IAH1: variants seen among roughly 807,000 people sequenced by gnomAD.
The protein encoded by IAH1 is isoamyl acetate-hydrolyzing esterase 1 homolog.
A neutral mutation model predicts 26.7 loss-of-function variants in IAH1; 24 were observed. That is an observed-to-expected ratio of 0.90 (90% CI 0.65 to 1.26). The LOEUF is 1.26. IAH1 is among the 50% of genes most tolerant of loss of function. IAH1 has a pLI of 0.00. For synonymous variants in IAH1, 140 were observed against 118.5 expected, an observed-to-expected ratio of 1.18 and a Z score of -1.18; for missense variants, 300 against 299.9, an observed-to-expected ratio of 1.00 and a Z score of 0.00.
At chr2:9,501,863 A>G in the IAH1 span, among the ~76,000 whole-genome samples, 13 of 152,158 alleles carry the variant, frequency 8.5e-5, no homozygotes, top group African/African-American at 2.9e-4. Flanking sequence ...GGCACATTAA[A>G]AACACATACA....
intron 2 of IAH1, 113 bp from the exon 3 acceptor site, chr2:9,478,107 CAG>C (rs1660933491): frequency 3.4e-6 from 3 of 875,510 alleles, no homozygotes; most frequent in East Asian, 5.5e-5. Context: ...GGGGGTGGCT[CAG>C]AGACACGTGA....
intron 1 of IAH1, chr2:9,475,262 T>A: frequency 1.7e-6 from 2 of 1,197,482 alleles, no homozygotes; most frequent in Non-Finnish European, 1.1e-6. Flanking sequence ...CCTGTGTGTG[T>A]CCTCTTCTCA....
At position 9,488,353 on chromosome 2, in the gene IAH1, GCTTGTTAT is replaced by G; in HGVS notation, c.*27_*34del. On this transcript the variant is annotated 3_prime_UTR_variant, in exon 6 of 6. Coordinates refer to ENST00000497473, the MANE Select transcript of IAH1 (RefSeq NM_001039613.3). ...AGCCAATCACAGGAGACCCAAATCT[GCTTGTTAT>G]CTACAGAACTCAAAGTTGTCAATAC... is the stretch of plus-strand genomic sequence containing the variant. 6.4e-7 allele frequency: 1 copy of G among 1,558,270 alleles called. No homozygotes were observed. Among genetic ancestry groups the G allele is most frequent in the Non-Finnish European group, 8.6e-7 (1 of 1,157,060 alleles).
intron 5 of IAH1, 141 bp downstream of exon 5, chr2:9,484,691 G>C (rs747693189): frequency 3.8e-5 from 23 of 606,320 alleles, no homozygotes; most frequent in Middle Eastern, 8.8e-4. Flanking sequence ...AACAGGCTTG[G>C]GGGAGGGGAG....
chr2:9,479,046 G>A (rs1165104052), intron 3 of IAH1, among the ~76,000 whole-genome samples: 1 of 152,176 alleles, frequency 6.6e-6, no homozygotes, highest in Non-Finnish European at 1.5e-5. Flanking sequence ...CACACCGTAG[G>A]AGACCTCTGA....
rs149040017 is a variant in IAH1, at chr2:9,488,597, C to A, written c.*268C>A. 48 of 281,244 alleles carry A rather than the reference C, an allele frequency of 1.7e-4. No individual in the cohort carries two copies. The East Asian group carries it at 3.0e-3, about 17-fold the overall frequency. 17.4% of individuals were successfully genotyped at this position (281,244 alleles called of 1,614,324 possible). Reference sequence around the variant, plus strand: ...CAAAGACTATGTTTTTAAAAAGTCACAATTTTATAAAAATGGTTTTTCTTA... The same window carrying A: ...CAAAGACTATGTTTTTAAAAAGTCAAAATTTTATAAAAATGGTTTTTCTTA... On this transcript the variant is annotated 3_prime_UTR_variant, in exon 6 of 6. Coordinates refer to ENST00000497473, the MANE Select transcript of IAH1 (RefSeq NM_001039613.3).
At chr2:9,504,993 C>T in the IAH1 span, among the ~76,000 whole-genome samples, 25 of 152,070 alleles carry the variant, frequency 1.6e-4, no homozygotes, top group Admixed American at 1.6e-3. Context: ...AGTGAGCCAC[C>T]GTGCCAGGCC....
chr2:9,481,253 C>T, intron 3 of IAH1, 33 bp from the exon 4 acceptor site: 1 of 1,606,344 alleles, frequency 6.2e-7, no homozygotes, highest in East Asian at 2.2e-5. Context: ...AATAAATATG[C>T]ATCTGGTGAG....
intron 3 of IAH1, among the ~76,000 whole-genome samples, chr2:9,480,691 T>C (rs906422464): frequency 2.6e-5 from 4 of 152,216 alleles, no homozygotes; most frequent in African/African-American, 9.7e-5. Context: ...TTACATGTGG[T>C]TAGCAAATGG....
intron 3 of IAH1, among the ~76,000 whole-genome samples, chr2:9,479,737 A>G (rs1421207301): frequency 1.3e-5 from 2 of 149,564 alleles, no homozygotes; most frequent in Non-Finnish European, 3.0e-5. Context: ...TAGAAATTCA[A>G]CCTAAGGAAA....
chr2:9,499,462 C>T (rs1662866317), downstream of IAH1, among the ~76,000 whole-genome samples: 2 of 151,772 alleles, frequency 1.3e-5, no homozygotes, highest in African/African-American at 4.8e-5. Flanking sequence ...AGTGCAGTGG[C>T]GTGATCTCGG....
At chr2:9,491,423 T>C (rs1199110144), downstream of IAH1, among the ~76,000 whole-genome samples, 7 of 152,350 alleles carry the variant, frequency 4.6e-5, no homozygotes, top group South Asian at 1.2e-3. Flanking sequence ...CTGAGAAATT[T>C]ATCCCTCTGT....
intron 2 of IAH1, 96 bp downstream of exon 2, chr2:9,476,135 C>T (rs919339576): frequency 9.0e-5 from 99 of 1,105,408 alleles, no homozygotes; most frequent in Non-Finnish European, 1.2e-4. Flanking sequence ...GAACATTCCT[C>T]CTTTATTAAT....
intron 6 of IAH1, chr2:9,494,987 C>T (rs1031126040): frequency 7.3e-6 from 3 of 412,564 alleles, no homozygotes; most frequent in Non-Finnish European, 1.3e-5. Flanking sequence ...AAAAAAAATG[C>T]AGAGAAAAAT....
At chr2:9,503,729 T>C in the IAH1 span, among the ~76,000 whole-genome samples, 31 of 148,858 alleles carry the variant, frequency 2.1e-4, no homozygotes, top group Non-Finnish European at 3.3e-4. Context: ...TCCCAGCTAC[T>C]GGGGAGGCTG....
At chr2:9,503,708 G>A in the IAH1 span, among the ~76,000 whole-genome samples, 1 of 151,792 alleles carries the variant, frequency 6.6e-6, no homozygotes, top group Non-Finnish European at 1.5e-5. Context: ...GCGTGGTGGT[G>A]CACACTGTAA....
At chr2:9,493,969 G>A (rs981606244), downstream of IAH1, 11 of 616,834 alleles carry the variant, frequency 1.8e-5, no homozygotes, top group Admixed American at 1.3e-4. Context: ...AATAACTTCC[G>A]CGTAATGAGT....
intron 2 of IAH1, 69 bp from the exon 3 acceptor site, chr2:9,478,153 A>G: frequency 1.4e-6 from 2 of 1,423,918 alleles, no homozygotes; most frequent in South Asian, 2.8e-5. Context: ...CACCCTCACT[A>G]AAGGCCGGTT....
chr2:9,502,232 G>A, the IAH1 span: 1 of 1,614,006 alleles, frequency 6.2e-7, no homozygotes, highest in Non-Finnish European at 8.5e-7. Context: ...CTTCTTCTGG[G>A]CAGTCTCAAA....
Sources: gnomAD v4.1 joint callset for allele counts (sites outside exome capture counted in the v4.1 genomes callset) on GRCh38, gnomAD v4.1.1 for gene constraint, MANE v1.5 for transcripts, NCBI Gene and HGNC (gene_info 2026-07-23, HGNC 2026-07-21) for gene names.